The following RIMS1 variants were observed in gnomAD, a reference collection of about 807,000 sequenced individuals.
RIMS1 encodes the protein regulating synaptic membrane exocytosis protein 1.
Under a neutral mutation model 214.1 loss-of-function variants are expected in RIMS1, and 83 were observed. The observed-to-expected ratio is 0.39, with a 90% CI of 0.32 to 0.47. The LOEUF (loss-of-function observed/expected upper bound fraction) is 0.47. Ranked by LOEUF, RIMS1 falls within the 20% of genes least tolerant of loss-of-function variation. The pLI, the probability that RIMS1 is intolerant of heterozygous loss-of-function variation, is 0.99. For missense variants in RIMS1, 2,050 were observed against 2,161.8 expected, an observed-to-expected ratio of 0.95 and a Z score of 1.03; for synonymous variants, 793 against 786.8, an observed-to-expected ratio of 1.01 and a Z score of -0.13.
chr6:72,341,744 G>T (rs1046666755), intron 29 of RIMS1, among the ~76,000 whole-genome samples: 1 of 151,738 alleles, frequency 6.6e-6, no homozygotes, highest in African/African-American at 2.4e-5. Context: ...TGTTATCAAA[G>T]GTAGTGGGGA....
chr6:72,102,000 T>A (rs532798141), intron 4 of RIMS1, among the ~76,000 whole-genome samples: 1 of 152,104 alleles, frequency 6.6e-6, no homozygotes, highest in Non-Finnish European at 1.5e-5. Flanking sequence ...TATGATTATA[T>A]TTTTTACTTC....
At chr6:72,362,372 G>A (rs1176618244) in intron 29 of RIMS1, among the ~76,000 whole-genome samples, 1 of 151,990 alleles carries the variant, frequency 6.6e-6, no homozygotes, top group African/African-American at 2.4e-5. Context: ...GCTCCAAGTC[G>A]GGACATCATG....
chr6:72,039,930 C>A (rs971135675), intron 2 of RIMS1, among the ~76,000 whole-genome samples: 1 of 151,950 alleles, frequency 6.6e-6, no homozygotes, highest in Non-Finnish European at 1.5e-5. Context: ...AATACTGGAT[C>A]ATACAAATTA....
chr6:72,367,014 A>G (rs749149962), intron 29 of RIMS1: 15 of 212,188 alleles, frequency 7.1e-5, no homozygotes, highest in Non-Finnish European at 1.1e-4. Context: ...GTAGTGTTAT[A>G]CTTCAGATTG....
intron 6 of RIMS1, among the ~76,000 whole-genome samples, chr6:72,221,582 AT>A (rs1562708629): frequency 6.6e-6 from 1 of 152,026 alleles, no homozygotes; most frequent in Non-Finnish European, 1.5e-5. Flanking sequence ...AATAATAAAC[AT>A]TTTATTTATA....
At chr6:71,984,743 GTGTATGTA>G (rs68138613) in intron 2 of RIMS1, among the ~76,000 whole-genome samples, 29 of 149,110 alleles carry the variant, frequency 1.9e-4, no homozygotes, top group Non-Finnish European at 3.0e-4. Flanking sequence ...GTATCCATCT[GTGTATGTA>G]TGTATGTATG....
intron 4 of RIMS1, among the ~76,000 whole-genome samples, chr6:72,171,347 C>CCT: frequency 6.7e-6 from 1 of 149,192 alleles, no homozygotes; most frequent in East Asian, 2.0e-4. Flanking sequence ...ATATATATTA[C>CCT]GTGTGTGTGT....
chr6:72,253,782 A>G (rs1478395663), intron 16 of RIMS1, among the ~76,000 whole-genome samples: 6 of 152,170 alleles, frequency 3.9e-5, no homozygotes, highest in Non-Finnish European at 8.8e-5. Context: ...GCATACAACT[A>G]TTAAAACTGG....
rs768977249 is a variant in RIMS1, at chr6:72,313,545, G to T, written c.4003G>T (p.Val1335Phe). Reference protein sequence around the residue: ...HKDQYRSCDNVSAKSSDSDVS... With the variant: ...HKDQYRSCDNFSAKSSDSDVS... ...AGATCAGTACAGAAGCTGTGATAAC[G>T]TCTCTGCCAAATCATCAGATAGTGA... Residue 1335 changes from valine (V) to phenylalanine (F), a missense_variant, in exon 28 of 34, where the codon GTC becomes TTC. Physicochemically the swap from Val to Phe is conservative, Grantham distance 50. Around this residue, in one of 6 missense-constraint regions of RIMS1, gnomAD observed 889 missense variants for 885.5 expected, o/e 1.00. Transcript: ENST00000521978. The T allele has an allele frequency of 2.5e-6, 4 of 1,613,642 alleles. No homozygotes were observed. The East Asian group carries it at 8.9e-5, about 36-fold the overall frequency.
chr6:72,029,506 T>C (rs957003505), intron 2 of RIMS1, among the ~76,000 whole-genome samples: 2 of 152,002 alleles, frequency 1.3e-5, no homozygotes, highest in Non-Finnish European at 2.9e-5. Context: ...AGCAAGAAGG[T>C]GACATCCAGA....
At position 71,894,642 on chromosome 6, in the gene RIMS1, C is replaced by T. The variant is rs374447690; in HGVS notation, c.164+7455C>T. On this transcript the variant is annotated intron_variant, in intron 1 of 33. Transcript: ENST00000521978. ...GCAGCCTGCAGTTTACCAAAGACAT[C>T]TTTAATGTGTGAGAATTTATTTAAA... Among the ~76,000 whole-genome samples the T allele has an allele frequency of 9.4e-4, 143 of 152,250 alleles. 2 individuals carry two copies. In the South Asian group the frequency reaches 0.029, roughly 30 times the overall value.
chr6:72,315,523 A>G (rs1338055568), intron 28 of RIMS1, among the ~76,000 whole-genome samples: 1 of 152,214 alleles, frequency 6.6e-6, no homozygotes, highest in Non-Finnish European at 1.5e-5. Flanking sequence ...CTCATACTGT[A>G]TGTCAGTGAT....
chr6:72,006,851 C>T (rs1807886491), intron 2 of RIMS1, among the ~76,000 whole-genome samples: 2 of 152,308 alleles, frequency 1.3e-5, no homozygotes, highest in East Asian at 3.9e-4. Flanking sequence ...TGGAGCCCAC[C>T]ACAGATGAAG....
At chr6:71,931,265 A>G (rs893150639) in intron 1 of RIMS1, among the ~76,000 whole-genome samples, 1 of 152,080 alleles carries the variant, frequency 6.6e-6, no homozygotes, top group Non-Finnish European at 1.5e-5. Context: ...TAATTTACAT[A>G]TGCTTATGAA....
chr6:72,195,836 TG>T (rs2050767613), intron 6 of RIMS1, among the ~76,000 whole-genome samples: 1 of 152,088 alleles, frequency 6.6e-6, no homozygotes, highest in Admixed American at 6.6e-5. Flanking sequence ...TCTGCATGGC[TG>T]GGGAGGCCTC....
intron 11 of RIMS1, among the ~76,000 whole-genome samples, chr6:72,247,443 A>C (rs923978750): frequency 1.3e-5 from 2 of 151,458 alleles, no homozygotes; most frequent in African/African-American, 4.9e-5. Flanking sequence ...GCTGAGGCAG[A>C]AGAATTGCTT....
At chr6:72,197,784 C>G (rs1356130225) in intron 6 of RIMS1, among the ~76,000 whole-genome samples, 1 of 151,964 alleles carries the variant, frequency 6.6e-6, no homozygotes, top group East Asian at 1.9e-4. Context: ...AAGAGGCAAC[C>G]ATTAAACTTA....
intron 4 of RIMS1, among the ~76,000 whole-genome samples, chr6:72,127,488 T>C (rs1177164180): frequency 6.6e-6 from 1 of 152,194 alleles, no homozygotes; most frequent in African/African-American, 2.4e-5. Flanking sequence ...CAGCAAGGAA[T>C]TCAGTCTCAG....
chr6:72,089,921 CAA>C (rs1385323695), intron 2 of RIMS1, among the ~76,000 whole-genome samples: 2 of 146,114 alleles, frequency 1.4e-5, no homozygotes, highest in Non-Finnish European at 3.0e-5. Flanking sequence ...ATCGCAAGAA[CAA>C]AAAACCAAAC....
Sources: allele counts gnomAD v4.1 joint callset (sites outside exome capture counted in the v4.1 genomes callset), GRCh38; gene constraint gnomAD v4.1.1; regional missense constraint gnomAD v4.1.1; transcripts MANE v1.5; gene names NCBI Gene and HGNC (gene_info 2026-07-23, HGNC 2026-07-21).